Variants in ZNRF2 observed in about 807,000 individuals in gnomAD.
ZNRF2 encodes the protein zinc and ring finger 2.
Under a neutral mutation model 20.4 loss-of-function variants are expected in ZNRF2, and 16 were observed. That is an observed-to-expected ratio of 0.79 (90% confidence interval 0.53 to 1.19). The LOEUF is 1.19. Ranked by LOEUF, ZNRF2 falls within the 50% of genes most tolerant of loss-of-function variation. ZNRF2 has a pLI of 0.00. For missense variants in ZNRF2, 363 were observed against 332.4 expected (o/e 1.09, Z -0.72); for synonymous variants, 178 against 144.9 (o/e 1.23, Z -1.64).
chr7:30,325,096 A>G (rs1799532337), intron 2 of ZNRF2, among the ~76,000 whole-genome samples: 1 of 152,214 alleles, frequency 6.6e-6, no homozygotes, highest in Non-Finnish European at 1.5e-5. Context: ...GAAAGATTTT[A>G]AATGTAGCCT....
At position 30,285,372 on chromosome 7, in the gene ZNRF2, G is replaced by A; in HGVS notation, c.15G>A (p.Gln5=). 1 of 1,219,612 alleles carries A rather than the reference G, an allele frequency of 8.2e-7. No individual in the cohort carries two copies. Among genetic ancestry groups the A allele is most frequent in the Non-Finnish European group, 1.0e-6 (1 of 964,228 alleles). 75.5% of individuals were successfully genotyped at this position (1,219,612 alleles called of 1,614,324 possible). A position where few individuals can be genotyped will look rare whatever the true frequency, so the allele number is the denominator to read the frequency against. MGAK[Q]SGPAAANGRT... is the part of the protein sequence containing the mutation. The stretch of plus-strand genomic sequence containing the variant: ...GCAGGGCGGACATGGGCGCCAAACA[G>A]AGCGGCCCGGCCGCCGCTAACGGCC... Residue 5 remains glutamine (Q), a synonymous_variant, in exon 1 of 5, where the codon CAG becomes CAA. Transcript: ENST00000323037.
rs1321116883 is a variant in ZNRF2, at chr7:30,366,165, A to T, written c.*153A>T. On this transcript the variant is annotated 3_prime_UTR_variant, in exon 5 of 5. Coordinates refer to ENST00000323037, the MANE Select transcript of ZNRF2 (RefSeq NM_147128.4). Reference sequence around the variant, plus strand: ...AGACTTGGTAATACAGAGATGGACAATCGTACTGGGGTAAAAAAACCCTGC... The same window carrying T: ...AGACTTGGTAATACAGAGATGGACATTCGTACTGGGGTAAAAAAACCCTGC... 5.2e-5 allele frequency: 8 copies of T among 152,604 alleles called. No homozygotes were observed. Among genetic ancestry groups the T allele is most frequent in the Non-Finnish European group, 1.0e-4 (7 of 68,026 alleles). The allele number at this position is 152,604 out of a possible 1,614,324, so 9.5% of individuals were successfully genotyped here.
At chr7:30,294,381 T>G (rs1798972997) in intron 1 of ZNRF2, among the ~76,000 whole-genome samples, 1 of 152,258 alleles carries the variant, frequency 6.6e-6, no homozygotes, top group Admixed American at 6.5e-5. Flanking sequence ...AATAATCATG[T>G]TAACTGCATT....
intron 2 of ZNRF2, among the ~76,000 whole-genome samples, chr7:30,352,719 A>G (rs1016945991): frequency 6.6e-5 from 10 of 152,020 alleles, no homozygotes; most frequent in Non-Finnish European, 1.2e-4. Flanking sequence ...GCTAGTTAGT[A>G]GTCTACCCCA....
At chr7:30,342,791 G>A (rs1457512301) in intron 2 of ZNRF2, among the ~76,000 whole-genome samples, 6 of 152,056 alleles carry the variant, frequency 3.9e-5, no homozygotes, top group African/African-American at 7.2e-5. Flanking sequence ...CAAAGGTTCC[G>A]ATAAGTAGTG....
intron 2 of ZNRF2, among the ~76,000 whole-genome samples, chr7:30,347,525 A>G (rs80107665): frequency 0.03 from 4,526 of 152,128 alleles, 167 homozygotes; most frequent in African/African-American, 0.088. Context: ...TCCCAAATCA[A>G]TGTGTTTTTC....
intron 3 of ZNRF2, among the ~76,000 whole-genome samples, chr7:30,358,009 A>G (rs918259004): frequency 6.6e-6 from 1 of 152,196 alleles, no homozygotes; most frequent in African/African-American, 2.4e-5. Context: ...CCTCATGACC[A>G]AGTTGCATTT....
chr7:30,319,235 G>A (rs988248943), intron 1 of ZNRF2, among the ~76,000 whole-genome samples: 1 of 152,124 alleles, frequency 6.6e-6, no homozygotes, highest in African/African-American at 2.4e-5. Context: ...AAACTCCTGG[G>A]CAAGAACTGT....
intron 1 of ZNRF2, among the ~76,000 whole-genome samples, chr7:30,288,365 C>T (rs1375889105): frequency 1.3e-5 from 2 of 152,096 alleles, no homozygotes; most frequent in Non-Finnish European, 2.9e-5. Flanking sequence ...ATATTATTAA[C>T]GTCTCCTAAT....
At chr7:30,358,295 C>T (rs747230030) in intron 3 of ZNRF2, among the ~76,000 whole-genome samples, 1 of 152,090 alleles carries the variant, frequency 6.6e-6, no homozygotes, top group Non-Finnish European at 1.5e-5. Context: ...ATCTCTTAAA[C>T]TATAACATTA....
At chr7:30,295,792 T>A (rs558045738) in intron 1 of ZNRF2, among the ~76,000 whole-genome samples, 4 of 152,338 alleles carry the variant, frequency 2.6e-5, no homozygotes, top group Non-Finnish European at 4.4e-5. Context: ...TTTTAACTAT[T>A]GAATGAACCT....
At chr7:30,348,997 TATAAA>T (rs1416768367) in intron 2 of ZNRF2, among the ~76,000 whole-genome samples, 1 of 152,226 alleles carries the variant, frequency 6.6e-6, no homozygotes, top group African/African-American at 2.4e-5. Flanking sequence ...AATCCAGATT[TATAAA>T]TGTAATGATA....
chr7:30,322,495 C>T (rs971380025), intron 1 of ZNRF2, among the ~76,000 whole-genome samples: 1 of 152,158 alleles, frequency 6.6e-6, no homozygotes, highest in Non-Finnish European at 1.5e-5. Flanking sequence ...ACTCTAGCTT[C>T]ATGTGGCCTT....
chr7:30,328,024 A>G (rs763509947), intron 2 of ZNRF2, among the ~76,000 whole-genome samples: 1 of 152,210 alleles, frequency 6.6e-6, no homozygotes, highest in Non-Finnish European at 1.5e-5. Flanking sequence ...GAGTAAGTGA[A>G]GGAGAAAGGA....
At chr7:30,304,300 C>T (rs1001625256) in intron 1 of ZNRF2, among the ~76,000 whole-genome samples, 1 of 152,072 alleles carries the variant, frequency 6.6e-6, no homozygotes, top group African/African-American at 2.4e-5. Context: ...GTACTTATTC[C>T]ACTATATTCC....
At chr7:30,363,344 G>A (rs867058638) in intron 4 of ZNRF2, among the ~76,000 whole-genome samples, 15 of 152,112 alleles carry the variant, frequency 9.9e-5, no homozygotes, top group Non-Finnish European at 2.2e-4. Context: ...TACAATAACC[G>A]TTTTGAGCTC....
chr7:30,317,547 G>A (rs1799395850), intron 1 of ZNRF2, among the ~76,000 whole-genome samples: 1 of 152,182 alleles, frequency 6.6e-6, no homozygotes, highest in African/African-American at 2.4e-5. Flanking sequence ...TTCTATTGGA[G>A]GAAAATAATT....
intron 1 of ZNRF2, among the ~76,000 whole-genome samples, chr7:30,308,995 C>A (rs1799250927): frequency 6.6e-6 from 1 of 152,062 alleles, no homozygotes; most frequent in South Asian, 2.1e-4. Context: ...TATCTCTTTT[C>A]TCTGAATTAT....
chr7:30,317,702 A>C (rs1799399224), intron 1 of ZNRF2, among the ~76,000 whole-genome samples: 1 of 152,238 alleles, frequency 6.6e-6, no homozygotes, highest in Admixed American at 6.5e-5. Flanking sequence ...AGAAAGCTCA[A>C]AGCCTAGGAA....
Sources: allele counts gnomAD v4.1 joint callset (sites outside exome capture counted in the v4.1 genomes callset), GRCh38; gene constraint gnomAD v4.1.1; transcripts MANE v1.5; gene names NCBI Gene and HGNC (gene_info 2026-07-23, HGNC 2026-07-21).